Variants in SLC24A4 observed in about 807,000 individuals in gnomAD.
SLC24A4 encodes sodium/potassium/calcium exchanger 4.
A neutral mutation model predicts 79.0 loss-of-function variants in SLC24A4; 53 were observed. The ratio of observed to expected loss-of-function variants is 0.67; its 90% CI spans 0.54 to 0.84. SLC24A4 has a LOEUF of 0.84. Among genes scored for constraint, SLC24A4 ranks in the 40% least tolerant of loss-of-function variants. SLC24A4 has a pLI of 0.00. For missense variants in SLC24A4, 731 were observed against 822.0 expected, an observed-to-expected ratio of 0.89 and a Z score of 1.35; for synonymous variants, 323 against 323.8, an observed-to-expected ratio of 1.00 and a Z score of 0.03.
At chr14:92,375,759 C>T (rs191464578) in intron 2 of SLC24A4, among the ~76,000 whole-genome samples, 1 of 152,300 alleles carries the variant, frequency 6.6e-6, no homozygotes, top group East Asian at 1.9e-4. Context: ...ATAGGCAAAT[C>T]CACGCTGACA....
chr14:92,474,471 C>T (rs554613126), intron 12 of SLC24A4, among the ~76,000 whole-genome samples: 3 of 151,934 alleles, frequency 2.0e-5, no homozygotes, highest in African/African-American at 7.2e-5. Context: ...CTCCATGCCA[C>T]ATTTGTTTTG....
intron 13 of SLC24A4, chr14:92,484,131 T>C: frequency 1.0e-6 from 1 of 985,410 alleles, no homozygotes; most frequent in Non-Finnish European, 1.2e-6. Context: ...TCTAGGCACT[T>C]GGCCAATCCT....
intron 2 of SLC24A4, 131 bp from the exon 3 acceptor site, chr14:92,433,781 C>T (rs1892006671): frequency 1.4e-6 from 1 of 737,496 alleles, no homozygotes; most frequent in Admixed American, 2.0e-5. Flanking sequence ...TGAGAAATGG[C>T]TGGCCTTCTC....
At chr14:92,484,809 G>T (rs1471270130) in intron 13 of SLC24A4, 1 of 985,402 alleles carries the variant, frequency 1.0e-6, no homozygotes, top group South Asian at 4.7e-5. Flanking sequence ...CCAGTCGTTA[G>T]CCGCTTATTG....
intron 2 of SLC24A4, among the ~76,000 whole-genome samples, chr14:92,403,026 A>G (rs1890191339): frequency 1.3e-5 from 2 of 152,080 alleles, no homozygotes; most frequent in African/African-American, 4.8e-5. Context: ...GGACCCAAGG[A>G]CCCATGCTTC....
chr14:92,425,602 C>A (rs1891522119), intron 2 of SLC24A4, among the ~76,000 whole-genome samples: 1 of 152,236 alleles, frequency 6.6e-6, no homozygotes, highest in Non-Finnish European at 1.5e-5. Flanking sequence ...TTAATTCGGG[C>A]TCTGGCAATT....
intron 10 of SLC24A4, 57 bp downstream of exon 10, chr14:92,449,273 C>T: frequency 6.7e-7 from 1 of 1,501,900 alleles, no homozygotes; most frequent in South Asian, 1.2e-5. Context: ...ACTCTCTCCT[C>T]TTTTGTGTAC....
Position 92,445,650 on chromosome 14 carries a change from C to CT in SLC24A4, c.683+309dup, listed in dbSNP as rs201932416. ...GCCAATATGGAATGCAGTAATGGGCCTATTTCTGGAATGGGGGACATTGCA... is the reference window on the plus strand; with the variant it reads ...GCCAATATGGAATGCAGTAATGGGCCTTATTTCTGGAATGGGGGACATTGCA... On this transcript the variant is annotated intron_variant, in intron 8 of 16. Transcript: ENST00000532405. Among the ~76,000 whole-genome samples the CT allele has an allele frequency of 2.0e-3, 298 of 152,238 alleles. 6 individuals carry two copies. The East Asian group carries it at 0.035, about 18-fold the overall frequency.
rs1889907554 is a variant in SLC24A4, at chr14:92,398,522, CCTT to C, written c.242-35387_242-35385del. On this transcript the variant is annotated intron_variant, in intron 2 of 16. Coordinates refer to ENST00000532405, the MANE Select transcript of SLC24A4 (RefSeq NM_153646.4). This position sits in a 1 kb window ranked among gnomAD's most constrained non-coding sequence, Gnocchi z 4.1. ...CCAACGTCTGATGTTATTGACATCT[CCTT>C]CTCTTTCCTGAAGTTTTCTGTGCCC... is the stretch of plus-strand genomic sequence containing the variant. 6.6e-6 allele frequency among the ~76,000 whole-genome samples: 1 copy of C among 152,054 alleles called. No homozygotes were observed. The highest frequency in any genetic ancestry group is 1.5e-5 in the Non-Finnish European group (1 of 67,992).
intron 2 of SLC24A4, among the ~76,000 whole-genome samples, chr14:92,326,695 C>G (rs1885163153): frequency 6.6e-6 from 1 of 152,254 alleles, no homozygotes; most frequent in Non-Finnish European, 1.5e-5. Context: ...AGGCTGAGCA[C>G]TTCTATGCTT....
At chr14:92,404,894 A>G (rs542960967) in intron 2 of SLC24A4, among the ~76,000 whole-genome samples, 12 of 152,220 alleles carry the variant, frequency 7.9e-5, no homozygotes, top group Non-Finnish European at 1.5e-4. Flanking sequence ...GTCCTGGCAC[A>G]TAATAGGTCC....
At chr14:92,467,148 T>A (rs759564466) in intron 12 of SLC24A4, among the ~76,000 whole-genome samples, 1 of 152,244 alleles carries the variant, frequency 6.6e-6, no homozygotes, top group Admixed American at 6.5e-5. Context: ...TATGTGAGAT[T>A]TTGGGTAGTT....
At chr14:92,393,428 C>T (rs948781069) in intron 2 of SLC24A4, among the ~76,000 whole-genome samples, 1 of 152,082 alleles carries the variant, frequency 6.6e-6, no homozygotes, top group Admixed American at 6.5e-5. Context: ...AGCTGTCTCC[C>T]GCAGCATGAA....
intron 2 of SLC24A4, among the ~76,000 whole-genome samples, chr14:92,427,861 G>A (rs563446194): frequency 1.3e-5 from 2 of 152,280 alleles, no homozygotes; most frequent in South Asian, 4.1e-4. Flanking sequence ...GAGGTGACTG[G>A]GTCATAGAGG....
At chr14:92,328,004 AT>A (rs1431211071) in intron 2 of SLC24A4, among the ~76,000 whole-genome samples, 1 of 152,204 alleles carries the variant, frequency 6.6e-6, no homozygotes, top group Non-Finnish European at 1.5e-5. Flanking sequence ...TTTAATCCTT[AT>A]CACGTTTTTG....
chr14:92,439,235 C>T (rs2040633236), intron 3 of SLC24A4, 100 bp from the exon 4 acceptor site: 1 of 944,890 alleles, frequency 1.1e-6, no homozygotes. Context: ...CTCTGTCCGC[C>T]TGGCCTCTGC....
At chr14:92,448,151 G>T (rs1892908270) in intron 9 of SLC24A4, among the ~76,000 whole-genome samples, 1 of 152,160 alleles carries the variant, frequency 6.6e-6, no homozygotes, top group Non-Finnish European at 1.5e-5. Context: ...GTCAGTGCAG[G>T]CGGCTGGGGA....
At chr14:92,355,721 T>C in intron 2 of SLC24A4, among the ~76,000 whole-genome samples, 1 of 152,164 alleles carries the variant, frequency 6.6e-6, no homozygotes, top group East Asian at 1.9e-4. Context: ...TATCATACCT[T>C]GGAGGATCTG....
rs1395975888 is a variant in SLC24A4 at position 92,442,821 on chromosome 14, G to A, written c.582+5G>A. The A allele has an allele frequency of 3.1e-6, 5 of 1,612,470 alleles. No individual in the cohort carries two copies. The African/African-American group carries it at 6.7e-5, about 22-fold the overall frequency. ...TGCGGACTGTTTGCTGGCCAGGTCA[G>A]TGGTTTCTCCCTGGGCCCGGCAGAT... On this transcript the variant is annotated splice_donor_5th_base_variant and intron_variant, in intron 6 of 16. Coordinates refer to ENST00000532405, the MANE Select transcript of SLC24A4 (RefSeq NM_153646.4).
Sources: gnomAD v4.1 joint callset for allele counts (sites outside exome capture counted in the v4.1 genomes callset) on GRCh38, gnomAD v4.1.1 for gene constraint, Gnocchi (gnomAD v3.1) non-coding constraint, MANE v1.5 for transcripts, NCBI Gene and HGNC (gene_info 2026-07-23, HGNC 2026-07-21) for gene names.